The following NSDHL variants were observed in gnomAD, a reference collection of about 807,000 sequenced individuals.
NSDHL encodes the protein NAD(P) dependent 3-beta-hydroxysteroid dehydrogenase NSDHL.
NSDHL carries 1 observed loss-of-function variant against 23.0 expected under a neutral mutation model. The observed-to-expected ratio is 0.04, with a 90% CI of 0.02 to 0.21. The LOEUF (loss-of-function observed/expected upper bound fraction) is 0.21, where lower values mean the gene tolerates loss of function less well. Ranked by LOEUF, NSDHL falls within the 10% of genes least tolerant of loss-of-function variation. The probability of loss-of-function intolerance (pLI) is 1.00; values close to 1 mark genes in which losing one functional copy is unlikely to be tolerated. For synonymous variants in NSDHL, 128 were observed against 121.1 expected (o/e 1.06, Z -0.37); for missense variants, 237 against 300.9 (o/e 0.79, Z 1.57).
intron 1 of NSDHL, among the ~76,000 whole-genome samples, chrX:152,832,934 G>A (rs1556843574): frequency 9.0e-6 from 1 of 111,435 alleles, no homozygotes; most frequent in South Asian, 3.8e-4. Context: ...TCCATTTACA[G>A]GCAGATTTTT....
At chrX:152,853,900 T>C (rs782105745) in intron 3 of NSDHL, among the ~76,000 whole-genome samples, 62 of 112,511 alleles carry the variant, frequency 5.5e-4, no homozygotes, top group African/African-American at 2.0e-3. Context: ...GGACGTCCTC[T>C]AGATTTACTT....
At position 152,869,162 on chromosome X, in the gene NSDHL, A is replaced by G. The variant is rs2125017759; in HGVS notation, c.*46A>G. 2.0e-6 allele frequency: 2 copies of G among 1,018,290 alleles called. No homozygotes were observed. The highest frequency in any genetic ancestry group is 2.8e-6 in the Non-Finnish European group (2 of 723,607). The allele number at this position is 1,018,290 out of a possible 1,213,427, so 83.9% of individuals were successfully genotyped here. ...CTCTCGACACGTTGCTCAGCCAGTCACTCCTTCCCCTGTGGATTGATGAAA... is the reference window on the plus strand; with the variant it reads ...CTCTCGACACGTTGCTCAGCCAGTCGCTCCTTCCCCTGTGGATTGATGAAA... On this transcript the variant is annotated 3_prime_UTR_variant, in exon 8 of 8. Transcript: ENST00000370274.
intron 4 of NSDHL, among the ~76,000 whole-genome samples, chrX:152,860,727 TA>T (rs377030709): frequency 9.1e-6 from 1 of 110,247 alleles, no homozygotes; most frequent in East Asian, 2.9e-4. Context: ...AAAAAAAAAT[TA>T]AAAAAACAAC....
At position 152,862,513 on chromosome X, in the gene NSDHL, CT is replaced by C. The variant is rs1169596346; in HGVS notation, c.415-82del. On this transcript the variant is annotated intron_variant, in intron 4 of 7. Coordinates refer to ENST00000370274, the MANE Select transcript of NSDHL (RefSeq NM_015922.3). ...ATGCGAGGGCAACAAAGGGATGCCC[CT>C]GATTCTCTTTCATACAGGATCATGC... is the stretch of plus-strand genomic sequence containing the variant. 4.7e-5 allele frequency: 45 copies of C among 959,063 alleles called. No individual in the cohort carries two copies. The African/African-American group carries it at 7.6e-4, about 16-fold the overall frequency. 79.0% of individuals were successfully genotyped at this position (959,063 alleles called of 1,213,427 possible).
chrX:152,838,294 C>T (rs1195795693), intron 1 of NSDHL, among the ~76,000 whole-genome samples: 5 of 111,505 alleles, frequency 4.5e-5, no homozygotes. Flanking sequence ...GTGTCTCTAT[C>T]TCCTTCAGTT....
At chrX:152,834,751 CT>C (rs1933065683) in intron 1 of NSDHL, among the ~76,000 whole-genome samples, 1 of 112,741 alleles carries the variant, frequency 8.9e-6, no homozygotes, top group Admixed American at 9.3e-5. Flanking sequence ...GGGGAATCCT[CT>C]TTTATAATCC....
chrX:152,842,408 C>T (rs1249528279), intron 1 of NSDHL, among the ~76,000 whole-genome samples: 5 of 112,326 alleles, frequency 4.5e-5, no homozygotes, highest in African/African-American at 1.6e-4. Flanking sequence ...TGATAATAGC[C>T]ATCCTAATAA....
intron 1 of NSDHL, among the ~76,000 whole-genome samples, chrX:152,842,641 A>G (rs1313481506): frequency 6.3e-5 from 7 of 111,458 alleles, no homozygotes; most frequent in African/African-American, 2.3e-4. Context: ...AGTTGGGATT[A>G]CACGCATGTG....
intron 5 of NSDHL, 98 bp downstream of exon 5, chrX:152,862,822 G>A (rs1255398456): frequency 3.9e-5 from 33 of 842,613 alleles, no homozygotes; most frequent in Middle Eastern, 2.8e-4. Flanking sequence ...TGAGGCCTAC[G>A]TACCTGATTT....
At chrX:152,850,096 A>C (rs1933332428) in intron 2 of NSDHL, among the ~76,000 whole-genome samples, 169 bp from the exon 3 acceptor site, 1 of 112,130 alleles carries the variant, frequency 8.9e-6, no homozygotes, top group East Asian at 2.8e-4. Flanking sequence ...TTAGGGTTGC[A>C]CTAGTGATGG....
chrX:152,831,494 T>C, intron 1 of NSDHL: 1 of 143,092 alleles, frequency 7.0e-6, no homozygotes, highest in Non-Finnish European at 1.4e-5. Flanking sequence ...CTTTAGATCT[T>C]ACCTGGCTAA....
intron 1 of NSDHL, among the ~76,000 whole-genome samples, chrX:152,842,483 G>T (rs1556845016): frequency 9.0e-6 from 1 of 111,599 alleles, no homozygotes; most frequent in South Asian, 3.8e-4. Flanking sequence ...GTGACGTTGA[G>T]CATCGTTTTT....
At chrX:152,846,019 T>C (rs1933267225) in intron 1 of NSDHL, among the ~76,000 whole-genome samples, 1 of 112,946 alleles carries the variant, frequency 8.9e-6, no homozygotes, top group Admixed American at 9.3e-5. Context: ...ATAAGTGAGC[T>C]GATTTAACTG....
intron 3 of NSDHL, among the ~76,000 whole-genome samples, chrX:152,855,833 GAT>G (rs1933436582): frequency 8.9e-6 from 1 of 112,353 alleles, no homozygotes; most frequent in African/African-American, 3.2e-5. Context: ...GTCTCTAAAA[GAT>G]AAGGATTATT....
intron 3 of NSDHL, among the ~76,000 whole-genome samples, chrX:152,857,073 G>T (rs1369074933): frequency 4.5e-5 from 5 of 111,811 alleles, no homozygotes. Flanking sequence ...AGAATCCATG[G>T]GTCCATAGAA....
At chrX:152,865,406 G>A (rs1260531099) in intron 5 of NSDHL, among the ~76,000 whole-genome samples, 2 of 112,645 alleles carry the variant, frequency 1.8e-5, no homozygotes, top group African/African-American at 6.5e-5. Context: ...AAACGTGGGC[G>A]GCACATGCAG....
rs72616413 is a variant in NSDHL at position 152,866,792 on chromosome X, A to G, written c.687-779A>G. Among the ~76,000 whole-genome samples the G allele has an allele frequency of 6.4e-4, 72 of 112,616 alleles. 1 individual carries two copies. The East Asian group carries it at 0.017, about 26-fold the overall frequency. On this transcript the variant is annotated intron_variant, in intron 6 of 7. Coordinates refer to ENST00000370274, the MANE Select transcript of NSDHL (RefSeq NM_015922.3). ...TCAGCTTAACTAATTGCATCTGCCG[A>G]GCCCCTATTTCCAAATAAGGTCACA...
intron 1 of NSDHL, among the ~76,000 whole-genome samples, chrX:152,832,053 T>TG (rs1440641497): frequency 9.0e-6 from 1 of 111,204 alleles, no homozygotes; most frequent in African/African-American, 3.3e-5. Flanking sequence ...TGGCACGACG[T>TG]GTCCCCTTCC....
intron 3 of NSDHL, among the ~76,000 whole-genome samples, chrX:152,855,648 C>T (rs1217482700): frequency 1.8e-5 from 2 of 111,530 alleles, no homozygotes; most frequent in Non-Finnish European, 3.8e-5. Flanking sequence ...TCATCTGTCT[C>T]TTATCCTCTC....
Sources: gnomAD v4.1 joint callset for allele counts (sites outside exome capture counted in the v4.1 genomes callset) on GRCh38, gnomAD v4.1.1 for gene constraint, MANE v1.5 for transcripts, NCBI Gene and HGNC (gene_info 2026-07-23, HGNC 2026-07-21) for gene names.